SLC44A1: variants seen among roughly 807,000 people sequenced by gnomAD.
SLC44A1 encodes choline transporter-like protein 1.
In SLC44A1, 26 loss-of-function variants were observed where a neutral mutation model predicts 79.3. The ratio of observed to expected loss-of-function variants is 0.33; its 90% CI spans 0.24 to 0.46. The LOEUF (loss-of-function observed/expected upper bound fraction) is 0.46. SLC44A1 is among the 20% of genes least tolerant of loss of function. The probability of loss-of-function intolerance (pLI) is 1.00; values close to 1 mark genes in which losing one functional copy is unlikely to be tolerated. For synonymous variants in SLC44A1, 263 were observed against 286.2 expected (o/e 0.92, Z 0.82); for missense variants, 688 against 798.1 (o/e 0.86, Z 1.66).
chr9:105,250,799 A>C (rs1829565954), intron 1 of SLC44A1, among the ~76,000 whole-genome samples: 1 of 152,188 alleles, frequency 6.6e-6, no homozygotes, highest in Non-Finnish European at 1.5e-5. Context: ...AATGTTATGG[A>C]AGTGATGCCT....
Position 105,390,078 on chromosome 9 carries a change from C to T in SLC44A1, c.*1022C>T. 1 of 1,271,670 alleles carries T rather than the reference C, an allele frequency of 7.9e-7. No individual in the cohort carries two copies. The highest frequency in any genetic ancestry group is 1.0e-6 in the Non-Finnish European group (1 of 1,002,122). 78.8% of individuals were successfully genotyped at this position (1,271,670 alleles called of 1,614,324 possible). A position where few individuals can be genotyped will look rare whatever the true frequency, so the allele number is the denominator to read the frequency against. ...AAACACACTGGCAGGTGCTCCTCTC[C>T]TTGGCAATTCATTGAGTATCCAGAG... is the stretch of plus-strand genomic sequence containing the variant. On this transcript the variant is annotated 3_prime_UTR_variant, in exon 16 of 16. Transcript: ENST00000374720.
At chr9:105,273,447 C>T (rs1187789683) in intron 1 of SLC44A1, among the ~76,000 whole-genome samples, 1 of 152,126 alleles carries the variant, frequency 6.6e-6, no homozygotes, top group Admixed American at 6.5e-5. Flanking sequence ...TTACATTTGG[C>T]TTTTATTAAT....
At chr9:105,435,074 G>C (rs1309520415) in intron 15 of SLC44A1, among the ~76,000 whole-genome samples, 4 of 151,942 alleles carry the variant, frequency 2.6e-5, no homozygotes, top group Admixed American at 6.6e-5. Flanking sequence ...TTGAGCCTGG[G>C]AGGTCAAGGC....
At chr9:105,434,946 A>G (rs1829444597) in intron 15 of SLC44A1, among the ~76,000 whole-genome samples, 1 of 152,170 alleles carries the variant, frequency 6.6e-6, no homozygotes, top group Non-Finnish European at 1.5e-5. Flanking sequence ...GGAGTTTAAG[A>G]CCAGCCTAGG....
At position 105,365,448 on chromosome 9, in the gene SLC44A1, T is replaced by G. The variant is rs750783404; in HGVS notation, c.1254-35T>G. 2.6e-6 allele frequency: 4 copies of G among 1,563,336 alleles called. No homozygotes were observed. In the South Asian group the frequency reaches 4.5e-5, roughly 18 times the overall value. ...TGTGTTTCCATCCTGATCTAGGCTT[T>G]GTTTTAATTGTCTTTTTGGTCATTT... On this transcript the variant is annotated intron_variant, in intron 10 of 15. Transcript: ENST00000374720.
chr9:105,408,712 G>A (rs1829060526), intron 15 of SLC44A1, among the ~76,000 whole-genome samples: 1 of 152,114 alleles, frequency 6.6e-6, no homozygotes, highest in African/African-American at 2.4e-5. Context: ...CACCCGGCCT[G>A]TCACTCACTT....
chr9:105,332,151 G>A (rs1187537817), intron 3 of SLC44A1, among the ~76,000 whole-genome samples: 2 of 128,828 alleles, frequency 1.6e-5, no homozygotes, highest in South Asian at 2.3e-4. Flanking sequence ...ACACAGTCTC[G>A]CTCTGTTGCC....
rs1395494917 is a variant in SLC44A1 at position 105,320,157 on chromosome 9, T to C, written c.269+10291T>C. 2.6e-5 allele frequency among the ~76,000 whole-genome samples: 4 copies of C among 152,320 alleles called. No homozygotes were observed. The East Asian group carries it at 7.7e-4, about 29-fold the overall frequency. On this transcript the variant is annotated intron_variant, in intron 3 of 15. Transcript: ENST00000374720. The stretch of plus-strand genomic sequence containing the variant: ...CTTTTAAAACATATAATAATGCTAC[T>C]GAGATTCATGCATGTTGTTAAATAC...
intron 3 of SLC44A1, among the ~76,000 whole-genome samples, chr9:105,331,660 A>C (rs1826753440): frequency 6.6e-6 from 1 of 152,220 alleles, no homozygotes; most frequent in African/African-American, 2.4e-5. Context: ...TTAAAGTATA[A>C]TTACTTTTAA....
intron 15 of SLC44A1, among the ~76,000 whole-genome samples, chr9:105,418,960 T>G (rs1417083038): frequency 1.3e-5 from 2 of 152,210 alleles, no homozygotes; most frequent in African/African-American, 4.8e-5. Flanking sequence ...TGCATGTAGT[T>G]TGCTCTGTTT....
At chr9:105,272,225 C>T (rs1830094889) in intron 1 of SLC44A1, among the ~76,000 whole-genome samples, 1 of 151,994 alleles carries the variant, frequency 6.6e-6, no homozygotes, top group Admixed American at 6.6e-5. Flanking sequence ...AATTGTACAC[C>T]TTATATGAGT....
At chr9:105,273,131 AC>A (rs1236250162) in intron 1 of SLC44A1, among the ~76,000 whole-genome samples, 1 of 151,966 alleles carries the variant, frequency 6.6e-6, no homozygotes, top group Non-Finnish European at 1.5e-5. Context: ...AGCTGGGATT[AC>A]AGGTGCCCAC....
chr9:105,292,735 A>G lies in SLC44A1; in HGVS notation c.37-6485A>G, dbSNP rs575047266. ...TTCCTGCAGTACCTTTTCTGTCTCT[A>G]TCTTGGCAAATCTCATGCTATCGTA... On this transcript the variant is annotated intron_variant, in intron 1 of 15. Transcript: ENST00000374720. 2.5e-4 allele frequency among the ~76,000 whole-genome samples: 38 copies of G among 152,232 alleles called. 1 individual carries two copies. The highest frequency in any genetic ancestry group is 9.1e-4 in the African/African-American group (38 of 41,542).
At chr9:105,433,338 A>G (rs1829422338) in intron 15 of SLC44A1, among the ~76,000 whole-genome samples, 1 of 152,118 alleles carries the variant, frequency 6.6e-6, no homozygotes, top group African/African-American at 2.4e-5. Flanking sequence ...GCAAATCAGT[A>G]AGAAAAAGGC....
At chr9:105,384,432 C>G (rs1483235799) in intron 14 of SLC44A1, among the ~76,000 whole-genome samples, 3 of 152,074 alleles carry the variant, frequency 2.0e-5, no homozygotes, top group Non-Finnish European at 2.9e-5. Flanking sequence ...CTGCCTGCCT[C>G]GGCCTTCCAA....
At chr9:105,294,489 T>C (rs1404323067) in intron 1 of SLC44A1, among the ~76,000 whole-genome samples, 1 of 152,050 alleles carries the variant, frequency 6.6e-6, no homozygotes, top group East Asian at 1.9e-4. Context: ...TTTAAAGATG[T>C]CATTCTGTGG....
At chr9:105,436,158 A>G (rs969857292) in intron 15 of SLC44A1, among the ~76,000 whole-genome samples, 78 of 152,372 alleles carry the variant, frequency 5.1e-4, no homozygotes, top group African/African-American at 1.8e-3. Context: ...AGATTGTGCC[A>G]CTGCACCCCA....
At chr9:105,302,709 C>T (rs1001491845) in intron 2 of SLC44A1, among the ~76,000 whole-genome samples, 14 of 151,818 alleles carry the variant, frequency 9.2e-5, no homozygotes, top group African/African-American at 3.1e-4. Flanking sequence ...CTCAGGCCTA[C>T]CTCAGGGATT....
intron 12 of SLC44A1, among the ~76,000 whole-genome samples, chr9:105,371,588 G>A (rs10991643): frequency 0.025 from 3,781 of 151,900 alleles, 51 homozygotes; most frequent in Middle Eastern, 0.048. Flanking sequence ...AAAATTAGCC[G>A]GGTGCCTGTA....
Sources: gnomAD v4.1 joint callset for allele counts (sites outside exome capture counted in the v4.1 genomes callset) on GRCh38, gnomAD v4.1.1 for gene constraint, MANE v1.5 for transcripts, NCBI Gene and HGNC (gene_info 2026-07-23, HGNC 2026-07-21) for gene names.